CSMD1: variants seen among roughly 807,000 people sequenced by gnomAD.
The protein encoded by CSMD1 is CUB and sushi domain-containing protein 1.
CSMD1 carries 213 observed loss-of-function variants against 417.5 expected under a neutral mutation model. The observed-to-expected ratio is 0.51, with a 90% confidence interval of 0.46 to 0.57. The LOEUF (loss-of-function observed/expected upper bound fraction) is 0.57. CSMD1 is among the 20% of genes least tolerant of loss of function. CSMD1 has a pLI of 0.00. For synonymous variants in CSMD1, 2,862 were observed against 1,736.8 expected, an observed-to-expected ratio of 1.65 and a Z score of -16.11; for missense variants, 6,923 against 4,529.7, an observed-to-expected ratio of 1.53 and a Z score of -15.17.
intron 2 of CSMD1, among the ~76,000 whole-genome samples, chr8:4,631,511 T>C (rs1325241060): frequency 1.3e-5 from 2 of 151,918 alleles, no homozygotes; most frequent in Non-Finnish European, 2.9e-5. Flanking sequence ...TCTAGTCTAA[T>C]ATGATCCTAA....
In CSMD1 at chr8:4,887,552, C is replaced by A. The variant is rs112827062; in HGVS notation, c.85+106780G>T. ...TTTTACATAGTTTTTTATTTGTTAACGAAAGTGGGATATTGAAGTCACCAA... is the reference window on the plus strand; with the variant it reads ...TTTTACATAGTTTTTTATTTGTTAAAGAAAGTGGGATATTGAAGTCACCAA... On this transcript the variant is annotated intron_variant, in intron 1 of 69. Coordinates refer to ENST00000635120, the MANE Select transcript of CSMD1 (RefSeq NM_033225.6). Among the ~76,000 whole-genome samples, 410 of 151,900 alleles carry A rather than the reference C, an allele frequency of 2.7e-3. 6 individuals are homozygous for A. The highest frequency in any genetic ancestry group is 9.2e-3 in the African/African-American group (381 of 41,430).
At chr8:3,679,163 G>A (rs1466311277) in intron 7 of CSMD1, among the ~76,000 whole-genome samples, 3 of 152,046 alleles carry the variant, frequency 2.0e-5, no homozygotes, top group African/African-American at 7.2e-5. Flanking sequence ...CATAATGACA[G>A]GATCAAATTC....
intron 23 of CSMD1, among the ~76,000 whole-genome samples, chr8:3,341,373 ATCT>A (rs1335029633): frequency 6.6e-6 from 1 of 152,178 alleles, no homozygotes; most frequent in East Asian, 1.9e-4. Flanking sequence ...GTATGCATAA[ATCT>A]TCTTCTGGAT....
intron 5 of CSMD1, among the ~76,000 whole-genome samples, chr8:3,973,257 T>C (rs549543124): frequency 1.3e-5 from 2 of 152,310 alleles, no homozygotes; most frequent in African/African-American, 2.4e-5. Context: ...GTGAGAGCTA[T>C]GGCTTGGTCA....
intron 49 of CSMD1, among the ~76,000 whole-genome samples, chr8:3,068,307 T>C (rs1813083425): frequency 6.6e-6 from 1 of 152,142 alleles, no homozygotes; most frequent in South Asian, 2.1e-4. Flanking sequence ...ATATGTCACT[T>C]TTTCACCTAA....
intron 5 of CSMD1, among the ~76,000 whole-genome samples, chr8:3,861,532 A>G (rs1291745009): frequency 2.6e-5 from 4 of 152,136 alleles, no homozygotes; most frequent in Admixed American, 6.6e-5. Flanking sequence ...TCTTGGGAGA[A>G]TTCTGGGATT....
At chr8:3,499,896 C>A (rs2117335291) in intron 10 of CSMD1, among the ~76,000 whole-genome samples, 1 of 152,158 alleles carries the variant, frequency 6.6e-6, no homozygotes. Flanking sequence ...GCCTGAGGCC[C>A]AGAGAACAAG....
At chr8:4,282,689 G>A (rs1056853251) in intron 3 of CSMD1, among the ~76,000 whole-genome samples, 3 of 152,148 alleles carry the variant, frequency 2.0e-5, no homozygotes, top group African/African-American at 7.2e-5. Flanking sequence ...AGTTGGCTGT[G>A]ACAGCATCCT....
intron 5 of CSMD1, among the ~76,000 whole-genome samples, chr8:3,810,752 CT>C (rs1409911000): frequency 1.3e-5 from 2 of 152,100 alleles, no homozygotes; most frequent in African/African-American, 4.8e-5. Context: ...CAATTCCTGG[CT>C]TTGGCAATGA....
intron 5 of CSMD1, among the ~76,000 whole-genome samples, chr8:3,844,156 T>C (rs1326147543): frequency 6.6e-6 from 1 of 152,202 alleles, no homozygotes; most frequent in East Asian, 1.9e-4. Context: ...AAAGACAATA[T>C]TGGCATTAAC....
intron 9 of CSMD1, among the ~76,000 whole-genome samples, chr8:3,576,511 G>T (rs899562449): frequency 1.3e-5 from 2 of 152,116 alleles, no homozygotes; most frequent in Admixed American, 1.3e-4. Flanking sequence ...CTGTTCAGTT[G>T]CTTCCTACTT....
intron 4 of CSMD1, among the ~76,000 whole-genome samples, chr8:4,017,679 T>C (rs953133912): frequency 2.0e-5 from 3 of 152,154 alleles, no homozygotes; most frequent in Admixed American, 2.0e-4. Flanking sequence ...TTTTTCAAAT[T>C]CGACTTCAAA....
chr8:3,315,339 AATTTCCTGAAATGTGTGATT>A (rs375118774), intron 23 of CSMD1, among the ~76,000 whole-genome samples: 16 of 151,656 alleles, frequency 1.1e-4, no homozygotes, highest in African/African-American at 2.4e-4. Context: ...ATTAATAATG[AATTTCCTGAAATGTGTGATT>A]ATTTCCTGAA....
chr8:4,609,682 G>A (rs1377382416), intron 2 of CSMD1, among the ~76,000 whole-genome samples: 2 of 152,080 alleles, frequency 1.3e-5, no homozygotes, highest in Non-Finnish European at 2.9e-5. Context: ...GCTGCAGATT[G>A]TACAGGAAAC....
intron 11 of CSMD1, among the ~76,000 whole-genome samples, chr8:3,481,785 A>G (rs1817763865): frequency 6.6e-6 from 1 of 152,166 alleles, no homozygotes; most frequent in South Asian, 2.1e-4. Context: ...AAGCTGGAAG[A>G]AGAAAGGGAT....
At chr8:4,159,911 T>C (rs1244050456) in intron 3 of CSMD1, among the ~76,000 whole-genome samples, 2 of 151,658 alleles carry the variant, frequency 1.3e-5, no homozygotes, top group Non-Finnish European at 2.9e-5. Context: ...GGCTTAAGAA[T>C]GATATAAAAA....
rs189521346 is a variant in CSMD1 at position 4,637,297 on chromosome 8, G to A, written c.302+45C>T. The A allele has an allele frequency of 3.6e-4, 506 of 1,407,024 alleles. 3 individuals carry two copies. In the African/African-American group the frequency reaches 6.2e-3, roughly 17 times the overall value. The allele number at this position is 1,407,024 out of a possible 1,614,324, so 87.2% of individuals were successfully genotyped here. ...ATTCCAACTAGATTTCATAATCTGT[G>A]TATTCAAACAGTGCTAACTGTAATA... On this transcript the variant is annotated intron_variant, in intron 2 of 69. Transcript: ENST00000635120.
chr8:4,962,983 A>G (rs774682893), intron 1 of CSMD1, among the ~76,000 whole-genome samples: 8 of 152,130 alleles, frequency 5.3e-5, no homozygotes, highest in Non-Finnish European at 1.2e-4. Flanking sequence ...CGAAGAATCT[A>G]GTGACGCTAT....
At chr8:3,543,031 G>C (rs1223100199) in intron 10 of CSMD1, among the ~76,000 whole-genome samples, 4 of 152,204 alleles carry the variant, frequency 2.6e-5, no homozygotes, top group African/African-American at 9.6e-5. Context: ...TGCTGTTTGT[G>C]GGTGTGTTCT....
Sources: gnomAD v4.1 joint callset for allele counts (sites outside exome capture counted in the v4.1 genomes callset) on GRCh38, gnomAD v4.1.1 for gene constraint, MANE v1.5 for transcripts, NCBI Gene and HGNC (gene_info 2026-07-23, HGNC 2026-07-21) for gene names.